The following ESRRB variants were observed in gnomAD, a reference collection of about 807,000 sequenced individuals.
ESRRB encodes steroid hormone receptor ERR2.
ESRRB carries 16 observed loss-of-function variants against 46.0 expected under a neutral mutation model. The ratio of observed to expected loss-of-function variants is 0.35; its 90% confidence interval spans 0.24 to 0.53. The LOEUF (loss-of-function observed/expected upper bound fraction) is 0.53. Ranked by LOEUF, ESRRB falls within the 20% of genes least tolerant of loss-of-function variation. The probability of loss-of-function intolerance (pLI) is 0.93; values close to 1 mark genes in which losing one functional copy is unlikely to be tolerated. For synonymous variants in ESRRB, 246 were observed against 259.6 expected (o/e 0.95, Z 0.50); for missense variants, 488 against 607.4 (o/e 0.80, Z 2.07).
intron 1 of ESRRB, among the ~76,000 whole-genome samples, chr14:76,420,599 G>A (rs1338495909): frequency 6.7e-6 from 1 of 149,886 alleles, no homozygotes; most frequent in South Asian, 2.1e-4. Context: ...GTGTGTTTGT[G>A]TATGAGAGAG....
At chr14:76,432,094 C>T (rs1012047212) in intron 1 of ESRRB, among the ~76,000 whole-genome samples, 6 of 152,222 alleles carry the variant, frequency 3.9e-5, no homozygotes, top group Non-Finnish European at 7.3e-5. Context: ...GACATCACTC[C>T]CTTGTCCACC....
At chr14:76,330,698 C>A (rs1884003483) in intron 1 of ESRRB, among the ~76,000 whole-genome samples, 1 of 152,186 alleles carries the variant, frequency 6.6e-6, no homozygotes, top group Non-Finnish European at 1.5e-5. Flanking sequence ...CCATCAGAAA[C>A]AAAACACAGG....
intron 1 of ESRRB, among the ~76,000 whole-genome samples, chr14:76,316,314 G>T (rs1032887520): frequency 2.0e-5 from 3 of 152,122 alleles, no homozygotes; most frequent in Non-Finnish European, 4.4e-5. Context: ...TCACTGTTAA[G>T]CCATTGTTTC....
chr14:76,339,536 G>T (rs2139749345), intron 1 of ESRRB, among the ~76,000 whole-genome samples: 1 of 152,320 alleles, frequency 6.6e-6, no homozygotes, highest in South Asian at 2.1e-4. Context: ...GCTTTAGGCT[G>T]CTTATGGACG....
rs2361295 is a variant in ESRRB, at chr14:76,499,565, A to G, written c.*1107A>G. The G allele has an allele frequency of 0.24, 116,381 of 482,288 alleles. 15,135 individuals carry two copies. The highest frequency in any genetic ancestry group is 0.4 in the South Asian group (19,676 of 48,638). The allele number at this position is 482,288 out of a possible 1,614,324, so 29.9% of individuals were successfully genotyped here. ...CCTTCCCTGCACTCAGCATCATGCC[A>G]CAGGGCTAGTGTACCAGTGCCACAG... On this transcript the variant is annotated 3_prime_UTR_variant, in exon 7 of 7. Coordinates refer to ENST00000644823, the MANE Select transcript of ESRRB (RefSeq NM_001379180.1).
chr14:76,329,612 G>T (rs550438674), intron 1 of ESRRB, among the ~76,000 whole-genome samples: 29 of 152,276 alleles, frequency 1.9e-4, no homozygotes, highest in African/African-American at 7.0e-4. Context: ...AAATCACCGA[G>T]GTGCCCATGT....
At chr14:76,393,730 C>T (rs1372566453) in intron 1 of ESRRB, among the ~76,000 whole-genome samples, 1 of 152,158 alleles carries the variant, frequency 6.6e-6, no homozygotes, top group African/African-American at 2.4e-5. Context: ...GTTCTGAGGG[C>T]GGAAGGACCT....
chr14:76,376,292 G>T lies in ESRRB; in HGVS notation c.-110G>T, dbSNP rs1396081578. On this transcript the variant is annotated 5_prime_UTR_variant, in exon 1 of 7. Transcript: ENST00000644823. The surrounding 1 kb of genome is among the most constrained non-coding windows in gnomAD (Gnocchi z 4.1). ...GCCTCCTCCCACTCTGCGTTCTCGC[G>T]CTCACTGTGCCCTGCCCGGGCTCGC... The T allele has an allele frequency of 8.3e-6, 7 of 844,572 alleles. No individual in the cohort carries two copies. The highest frequency in any genetic ancestry group is 3.5e-5 in the African/African-American group (2 of 56,896). 52.3% of individuals were successfully genotyped at this position (844,572 alleles called of 1,614,324 possible). A position where few individuals can be genotyped will look rare whatever the true frequency, so the allele number is the denominator to read the frequency against.
At chr14:76,489,564 C>T (rs1490009875) in intron 5 of ESRRB, among the ~76,000 whole-genome samples, 1 of 152,020 alleles carries the variant, frequency 6.6e-6, no homozygotes, top group East Asian at 1.9e-4. Flanking sequence ...CACTCCTGCT[C>T]TTTTGTTGAT....
At chr14:76,461,063 A>G (rs1475643089) in intron 2 of ESRRB, among the ~76,000 whole-genome samples, 1 of 150,680 alleles carries the variant, frequency 6.6e-6, no homozygotes, top group Admixed American at 6.6e-5. Flanking sequence ...CTTTCCCTCC[A>G]TTACCAGGCA....
chr14:76,443,588 T>C (rs1888008498), intron 2 of ESRRB, among the ~76,000 whole-genome samples: 1 of 152,230 alleles, frequency 6.6e-6, no homozygotes, highest in South Asian at 2.1e-4. Context: ...AGGTTGCCAT[T>C]ATTTTAGACT....
intron 2 of ESRRB, among the ~76,000 whole-genome samples, chr14:76,451,313 A>G (rs1371142329): frequency 6.6e-6 from 1 of 152,248 alleles, no homozygotes; most frequent in Non-Finnish European, 1.5e-5. Context: ...CACCTTGGGC[A>G]AGTGACTTAG....
intron 3 of ESRRB, among the ~76,000 whole-genome samples, chr14:76,463,773 T>A (rs1888990752): frequency 6.6e-6 from 1 of 152,046 alleles, no homozygotes; most frequent in South Asian, 2.1e-4. Flanking sequence ...TTAATGTGAC[T>A]ACTAGAAAAT....
chr14:76,486,188 G>C (rs1890010731), intron 5 of ESRRB, among the ~76,000 whole-genome samples: 1 of 152,200 alleles, frequency 6.6e-6, no homozygotes, highest in Non-Finnish European at 1.5e-5. Context: ...AGGCAGTGGG[G>C]AATCACTTGA....
intron 1 of ESRRB, among the ~76,000 whole-genome samples, chr14:76,428,440 A>G (rs977486464): frequency 6.6e-6 from 1 of 152,190 alleles, no homozygotes; most frequent in Non-Finnish European, 1.5e-5. Flanking sequence ...GTTTGGGGGC[A>G]TATTCTGAAT....
chr14:76,373,201 G>T (rs963494945), upstream of ESRRB, among the ~76,000 whole-genome samples: 2 of 152,166 alleles, frequency 1.3e-5, no homozygotes, highest in Non-Finnish European at 2.9e-5. Flanking sequence ...TGGGGTGGAG[G>T]GTAGTGAAGG....
chr14:76,345,227 A>G (rs1884235937), intron 1 of ESRRB, among the ~76,000 whole-genome samples: 1 of 152,248 alleles, frequency 6.6e-6, no homozygotes, highest in Non-Finnish European at 1.5e-5. Context: ...TGCACAGTAA[A>G]AGGAACAGTC....
chr14:76,495,274 G>T (rs11620876), intron 6 of ESRRB: 67,497 of 151,810 alleles, frequency 0.44, 16,007 homozygotes, highest in Middle Eastern at 0.59. Flanking sequence ...GCACTTTGTC[G>T]CATGGTATGA....
At chr14:76,448,328 CTTTTT>C (rs33918963) in intron 2 of ESRRB, among the ~76,000 whole-genome samples, 1 of 133,488 alleles carries the variant, frequency 7.5e-6, no homozygotes, top group Non-Finnish European at 1.6e-5. Context: ...ATTTACTTAC[CTTTTT>C]TTTTTTTTTT....
Sources: allele counts gnomAD v4.1 joint callset (sites outside exome capture counted in the v4.1 genomes callset), GRCh38; gene constraint gnomAD v4.1.1; non-coding constraint Gnocchi (gnomAD v3.1); transcripts MANE v1.5; gene names NCBI Gene and HGNC (gene_info 2026-07-23, HGNC 2026-07-21).